COL5A1: variants seen among roughly 807,000 people sequenced by gnomAD.
COL5A1 encodes the protein collagen alpha-1(V) chain.
A neutral mutation model predicts 263.7 loss-of-function variants in COL5A1; 16 were observed. The observed-to-expected ratio is 0.06, with a 90% CI of 0.04 to 0.09. COL5A1 has a LOEUF of 0.09. COL5A1 is among the 10% of genes least tolerant of loss of function. COL5A1 has a pLI of 1.00. For missense variants in COL5A1, 2,036 were observed against 2,540.5 expected (o/e 0.80, Z 4.27); for synonymous variants, 1,012 against 1,004.5 (o/e 1.01, Z -0.14).
At chr9:134,683,993 C>T (rs936768371) in intron 1 of COL5A1, among the ~76,000 whole-genome samples, 3 of 152,204 alleles carry the variant, frequency 2.0e-5, no homozygotes, top group Admixed American at 1.3e-4. Flanking sequence ...TCTGAGGACA[C>T]ATCTGCGTCA....
intron 1 of COL5A1, among the ~76,000 whole-genome samples, chr9:134,658,711 G>A (rs1181105518): frequency 6.6e-6 from 1 of 152,194 alleles, no homozygotes; most frequent in African/African-American, 2.4e-5. Context: ...CCTGGAGGGT[G>A]GCGGGGGGTG....
intron 1 of COL5A1, among the ~76,000 whole-genome samples, chr9:134,666,459 G>T (rs144948059): frequency 2.0e-5 from 3 of 152,222 alleles, no homozygotes; most frequent in Non-Finnish European, 2.9e-5. Context: ...TCTTGGGGAG[G>T]CTCTGGGCCT....
chr9:134,771,042 C>T lies in COL5A1; in HGVS notation c.2287-1748C>T, dbSNP rs181716770. 2.0e-3 allele frequency among the ~76,000 whole-genome samples: 310 copies of T among 152,356 alleles called. 1 individual carries two copies. The highest frequency in any genetic ancestry group is 7.1e-3 in the African/African-American group (295 of 41,584). On this transcript the variant is annotated intron_variant, in intron 25 of 65. Transcript: ENST00000371817. ...CTCTGCTTGGTGCTCCCTGGGTGGG[C>T]GCAGTTCTGAGCCCCTTGCAAACGC...
intron 39 of COL5A1, 115 bp downstream of exon 39, chr9:134,803,110 C>T: frequency 2.3e-6 from 2 of 873,874 alleles, no homozygotes; most frequent in Non-Finnish European, 3.8e-6. Flanking sequence ...ACAGACGCTT[C>T]TCATGCCGGT....
chr9:134,759,114 AC>A (rs941610338), intron 18 of COL5A1, among the ~76,000 whole-genome samples: 1 of 151,974 alleles, frequency 6.6e-6, no homozygotes, highest in African/African-American at 2.4e-5. Flanking sequence ...TCCTTCTCTG[AC>A]CTGCTTTCTG....
rs975647695 is a variant in COL5A1 at position 134,652,833 on chromosome 9, G to A, written c.109+10537G>A. The A allele has an allele frequency of 4.6e-6, 2 of 435,888 alleles. No homozygotes were observed. The highest frequency in any genetic ancestry group is 9.7e-6 in the Non-Finnish European group (2 of 206,084). 27.0% of individuals were successfully genotyped at this position (435,888 alleles called of 1,614,324 possible). On this transcript the variant is annotated intron_variant, in intron 1 of 65. Transcript: ENST00000371817. This position sits in a 1 kb window ranked among gnomAD's most constrained non-coding sequence, Gnocchi z 4.4. ...CTTTACCAGGCCCCAGAATCCCCCC[G>A]AGGCCTCTCTTAAGGCACAGATTGT...
chr9:134,715,288 C>T (rs548166650), intron 4 of COL5A1, among the ~76,000 whole-genome samples: 10 of 152,222 alleles, frequency 6.6e-5, no homozygotes, highest in South Asian at 4.1e-4. Context: ...AGCAGTATGC[C>T]GCCAGCATGT....
intron 45 of COL5A1, 27 bp downstream of exon 45, chr9:134,811,419 G>A (rs1564474892): frequency 3.1e-6 from 5 of 1,613,418 alleles, no homozygotes; most frequent in East Asian, 4.5e-5. Flanking sequence ...AATGACCTTC[G>A]AAAAGCCCCA....
chr9:134,751,164 G>A (rs11103496), intron 13 of COL5A1, among the ~76,000 whole-genome samples: 41 of 148,512 alleles, frequency 2.8e-4, no homozygotes, highest in African/African-American at 8.9e-4. Context: ...CCCCGAGAGC[G>A]TGTCACTGTC....
In COL5A1 at chr9:134,765,666, C is replaced by T. The variant is rs1410005570; in HGVS notation, c.2035-15C>T. Reference sequence around the variant, plus strand: ...CTGCCCGAGTTTAAATCCTATTTTCCCTTTCCTCTTACAGGGGCCACGTGG... The same window carrying T: ...CTGCCCGAGTTTAAATCCTATTTTCTCTTTCCTCTTACAGGGGCCACGTGG... On this transcript the variant is annotated splice_polypyrimidine_tract_variant and intron_variant, in intron 20 of 65. Transcript: ENST00000371817. This position sits in a 1 kb window ranked among gnomAD's most constrained non-coding sequence, Gnocchi z 5.1. 1.9e-6 allele frequency: 3 copies of T among 1,612,628 alleles called. No homozygotes were observed. The highest frequency in any genetic ancestry group is 2.5e-6 in the Non-Finnish European group (3 of 1,178,706).
chr9:134,767,474 A>G, intron 24 of COL5A1, 120 bp downstream of exon 24: 1 of 923,600 alleles, frequency 1.1e-6, no homozygotes, highest in Non-Finnish European at 1.7e-6. Flanking sequence ...TGCTCCCAAG[A>G]GACGCCAAAG....
In COL5A1 at chr9:134,758,148, TC is replaced by T; in HGVS notation, c.1882-93del. On this transcript the variant is annotated intron_variant, in intron 17 of 65. Transcript: ENST00000371817. This position sits in a 1 kb window ranked among gnomAD's most constrained non-coding sequence, Gnocchi z 4.1. ...TGCATAGATGCTGTGTGAAACGTGG[TC>T]CAAGGCGGGGCGGCCATCACTTGGT... is the stretch of plus-strand genomic sequence containing the variant. 1 of 1,303,918 alleles carries T rather than the reference TC, an allele frequency of 7.7e-7. No homozygotes were observed. Among genetic ancestry groups the T allele is most frequent in the Non-Finnish European group, 1.1e-6 (1 of 900,476 alleles). 80.8% of individuals were successfully genotyped at this position (1,303,918 alleles called of 1,614,324 possible). A position where few individuals can be genotyped will look rare whatever the true frequency, so the allele number is the denominator to read the frequency against.
rs1836027375 is a variant in COL5A1, at chr9:134,757,581, G to A, written c.1882-662G>A. ...CCCGTCAGTCCCAAGCTAGTGAGGT[G>A]GCCTGGGGTGACAGGAGGAAACGCA... On this transcript the variant is annotated intron_variant, in intron 17 of 65. Coordinates refer to ENST00000371817, the MANE Select transcript of COL5A1 (RefSeq NM_000093.5). This position sits in a 1 kb window ranked among gnomAD's most constrained non-coding sequence, Gnocchi z 6.2. 6.6e-6 allele frequency among the ~76,000 whole-genome samples: 1 copy of A among 152,318 alleles called. No homozygotes were observed. Among genetic ancestry groups the A allele is most frequent in the South Asian group, 2.1e-4 (1 of 4,820 alleles).
At chr9:134,790,367 C>T (rs1837629070) in intron 32 of COL5A1, among the ~76,000 whole-genome samples, 1 of 140,976 alleles carries the variant, frequency 7.1e-6, no homozygotes, top group African/African-American at 2.7e-5. Context: ...TCCACCCATC[C>T]ATCCATGCAT....
intron 34 of COL5A1, 87 bp from the exon 35 acceptor site, chr9:134,796,287 A>G: frequency 6.9e-7 from 1 of 1,440,862 alleles, no homozygotes; most frequent in South Asian, 1.1e-5. Context: ...TATTTGACTC[A>G]GACGTTTTGA....
At chr9:134,781,325 C>T (rs1241798037) in intron 28 of COL5A1, among the ~76,000 whole-genome samples, 7 of 152,270 alleles carry the variant, frequency 4.6e-5, no homozygotes, top group African/African-American at 7.2e-5. Flanking sequence ...ATCCGCACAG[C>T]GGAATCCTAA....
At chr9:134,711,896 G>T (rs188671621) in intron 4 of COL5A1, among the ~76,000 whole-genome samples, 5 of 151,960 alleles carry the variant, frequency 3.3e-5, no homozygotes, top group Non-Finnish European at 7.4e-5. Flanking sequence ...AGTGGATGGC[G>T]CTGGGCCTGA....
chr9:134,839,438 C>T (rs542267304), intron 65 of COL5A1, among the ~76,000 whole-genome samples: 1 of 152,330 alleles, frequency 6.6e-6, no homozygotes, highest in Non-Finnish European at 1.5e-5. Flanking sequence ...GCAAATGCTG[C>T]CCGTCCCTCT....
intron 1 of COL5A1, among the ~76,000 whole-genome samples, chr9:134,679,394 T>C (rs1195398604): frequency 6.8e-3 from 190 of 27,958 alleles, no homozygotes; most frequent in African/African-American, 0.02. Context: ...GGGGGCACTG[T>C]GGGGCTTCTT....
Sources: allele counts gnomAD v4.1 joint callset (sites outside exome capture counted in the v4.1 genomes callset), GRCh38; gene constraint gnomAD v4.1.1; non-coding constraint Gnocchi (gnomAD v3.1); transcripts MANE v1.5; gene names NCBI Gene and HGNC (gene_info 2026-07-23, HGNC 2026-07-21).